The following TENM4 variants were observed in gnomAD, a reference collection of about 807,000 sequenced individuals.
The protein encoded by TENM4 is teneurin transmembrane protein 4.
TENM4 carries 82 observed loss-of-function variants against 243.3 expected under a neutral mutation model. That is an observed-to-expected ratio of 0.34 (90% CI 0.28 to 0.40). TENM4 has a LOEUF of 0.40. Among genes scored for constraint, TENM4 ranks in the 10% least tolerant of loss-of-function variants. The pLI, the probability that TENM4 is intolerant of heterozygous loss-of-function variation, is 1.00. For missense variants in TENM4, 3,138 were observed against 3,673.3 expected (o/e 0.85, Z 3.77); for synonymous variants, 1,412 against 1,456.3 (o/e 0.97, Z 0.69).
At chr11:79,111,909 A>G (rs1386359175) in intron 4 of TENM4, among the ~76,000 whole-genome samples, 1 of 152,204 alleles carries the variant, frequency 6.6e-6, no homozygotes, top group Non-Finnish European at 1.5e-5. Flanking sequence ...GATGAAGAGC[A>G]GTGTGAGAAA....
At chr11:79,175,759 A>G (rs575187018) in intron 3 of TENM4, among the ~76,000 whole-genome samples, 2 of 152,324 alleles carry the variant, frequency 1.3e-5, no homozygotes, top group Non-Finnish European at 2.9e-5. Flanking sequence ...AAATAAGTAT[A>G]ATTTACTGAT....
At chr11:78,687,348 A>G (rs992492503) in intron 29 of TENM4, among the ~76,000 whole-genome samples, 2 of 152,098 alleles carry the variant, frequency 1.3e-5, no homozygotes, top group African/African-American at 4.8e-5. Context: ...GGCTCCTTTC[A>G]CTGCTTCGTG....
At chr11:79,164,091 GTA>G (rs1862837317) in intron 3 of TENM4, among the ~76,000 whole-genome samples, 4 of 107,432 alleles carry the variant, frequency 3.7e-5, no homozygotes, top group Non-Finnish European at 7.0e-5. Flanking sequence ...TATATACTAT[GTA>G]TATATAGTAT....
rs1185281751 is a variant in TENM4, at chr11:79,370,806, AAAAG to A, written c.-321+69699_-321+69702del. Among the ~76,000 whole-genome samples the A allele has an allele frequency of 7.1e-3, 762 of 107,146 alleles. 11 individuals are homozygous for A. Among genetic ancestry groups the A allele is most frequent in the East Asian group, 0.033 (103 of 3,080 alleles). The allele number at this position is 107,146 out of a possible 152,430, so 70.3% of individuals were successfully genotyped here. On this transcript the variant is annotated intron_variant, in intron 1 of 33. Coordinates refer to ENST00000278550, the MANE Select transcript of TENM4 (RefSeq NM_001098816.3). ...AAAAAAAAAAAAAAAAAAAAAAAAAAAAAGTGATAAATTTGGTAATCCCAGAATT... is the reference window on the plus strand; with the variant it reads ...AAAAAAAAAAAAAAAAAAAAAAAAAATGATAAATTTGGTAATCCCAGAATT...
chr11:78,899,571 G>GGGGGGAA (rs1565430077), intron 7 of TENM4, among the ~76,000 whole-genome samples: 6 of 79,364 alleles, frequency 7.6e-5, no homozygotes, highest in African/African-American at 2.1e-4. Context: ...GGGGGGGGGG[G>GGGGGGAA]AAAAAGAAAA....
At position 79,031,713 on chromosome 11, in the gene TENM4, A is replaced by T. The variant is rs534392735; in HGVS notation, c.493+33025T>A. Among the ~76,000 whole-genome samples the T allele has an allele frequency of 1.1e-4, 17 of 152,312 alleles. No individual in the cohort carries two copies. In the South Asian group the frequency reaches 2.1e-3, roughly 19 times the overall value. On this transcript the variant is annotated intron_variant, in intron 6 of 33. Transcript: ENST00000278550. ...GGCGGGCACAGAGGCTTAAAGGGGC[A>T]TGCTGGGTTGGACATGCCCTCCCTT...
chr11:78,771,223 A>G, intron 17 of TENM4, 85 bp from the exon 18 acceptor site: 3 of 1,502,416 alleles, frequency 2.0e-6, no homozygotes, highest in Non-Finnish European at 2.7e-6. Context: ...GCCAACTTGC[A>G]AAATGCCTTC....
intron 19 of TENM4, among the ~76,000 whole-genome samples, chr11:78,754,546 G>A (rs1439447036): frequency 2.0e-5 from 3 of 151,858 alleles, no homozygotes; most frequent in Admixed American, 1.3e-4. Flanking sequence ...CCAATAATGG[G>A]CCCCGTAAAG....
At chr11:79,199,257 G>GT (rs1322833663) in intron 3 of TENM4, among the ~76,000 whole-genome samples, 1 of 152,166 alleles carries the variant, frequency 6.6e-6, no homozygotes, top group African/African-American at 2.4e-5. Context: ...ACTTCAAAGG[G>GT]TTTTTGTGAA....
At chr11:78,699,130 T>TAAC (rs35532822) in intron 28 of TENM4, among the ~76,000 whole-genome samples, 389 of 151,886 alleles carry the variant, frequency 2.6e-3, no homozygotes, top group Non-Finnish European at 4.3e-3. Flanking sequence ...TTGCTTGCAT[T>TAAC]AACAACAACA....
At chr11:78,729,118 A>G (rs1229223260) in intron 22 of TENM4, among the ~76,000 whole-genome samples, 1 of 152,138 alleles carries the variant, frequency 6.6e-6, no homozygotes, top group Non-Finnish European at 1.5e-5. Flanking sequence ...GACCTCTTTT[A>G]GCCCCTCACA....
At position 79,069,988 on chromosome 11, in the gene TENM4, G is replaced by T; in HGVS notation, c.-44C>A. On this transcript the variant is annotated 5_prime_UTR_variant, in exon 5 of 34. Coordinates refer to ENST00000278550, the MANE Select transcript of TENM4 (RefSeq NM_001098816.3). ...CTCCACATCCACAAACAGGGTCCTC[G>T]CCGCACTCAGGGCCGAGTGGTCTAG... 1.3e-6 allele frequency: 2 copies of T among 1,533,690 alleles called. No individual in the cohort carries two copies. The highest frequency in any genetic ancestry group is 1.2e-5 in the South Asian group (1 of 82,768).
chr11:79,164,605 G>A lies in TENM4; in HGVS notation c.-162-15799C>T, dbSNP rs371937737. On this transcript the variant is annotated intron_variant, in intron 3 of 33. Coordinates refer to ENST00000278550, the MANE Select transcript of TENM4 (RefSeq NM_001098816.3). ...ATACATATATATATCTATATAGTAC[G>A]GTTTGGCTGTGTCCCCACCCAAATC... Among the ~76,000 whole-genome samples, 8 of 128,860 alleles carry A rather than the reference G, an allele frequency of 6.2e-5. No homozygotes were observed. The South Asian group carries it at 2.1e-3, about 34-fold the overall frequency. The allele number at this position is 128,860 out of a possible 152,430, so 84.5% of individuals were successfully genotyped here.
intron 2 of TENM4, among the ~76,000 whole-genome samples, chr11:79,219,476 G>C (rs1348348947): frequency 6.6e-6 from 1 of 152,224 alleles, no homozygotes; most frequent in Non-Finnish European, 1.5e-5. Flanking sequence ...GCTCCTAATT[G>C]TGTGCCAGGC....
chr11:78,827,618 C>T (rs1324968216), intron 12 of TENM4, among the ~76,000 whole-genome samples: 2 of 152,052 alleles, frequency 1.3e-5, no homozygotes, highest in African/African-American at 4.8e-5. Context: ...GCCTTCTGAG[C>T]AGCTGGGAAT....
intron 6 of TENM4, among the ~76,000 whole-genome samples, chr11:79,024,675 C>G (rs909724247): frequency 2.0e-5 from 3 of 152,192 alleles, no homozygotes; most frequent in Non-Finnish European, 4.4e-5. Flanking sequence ...TAGCATACCC[C>G]TGGGCATGGA....
chr11:79,191,816 G>A (rs1200764008), intron 3 of TENM4: 4 of 187,736 alleles, frequency 2.1e-5, no homozygotes, highest in Middle Eastern at 2.5e-3. Context: ...CTGCCCGGCC[G>A]CCCCGTCTGA....
chr11:79,256,756 T>C (rs977167774), intron 2 of TENM4, among the ~76,000 whole-genome samples: 1 of 152,198 alleles, frequency 6.6e-6, no homozygotes, highest in African/African-American at 2.4e-5. Context: ...ACTCTGAGCC[T>C]CACACAGGAG....
chr11:79,295,890 G>C (rs1252610753), intron 2 of TENM4, among the ~76,000 whole-genome samples: 1 of 60,416 alleles, frequency 1.7e-5, no homozygotes, highest in Admixed American at 1.6e-4. Context: ...TGCCTCCCAG[G>C]GATTAAACAC....
Sources: allele counts gnomAD v4.1 joint callset (sites outside exome capture counted in the v4.1 genomes callset), GRCh38; gene constraint gnomAD v4.1.1; transcripts MANE v1.5; gene names NCBI Gene and HGNC (gene_info 2026-07-23, HGNC 2026-07-21).